PPHLN1: variants seen among roughly 807,000 people sequenced by gnomAD.
PPHLN1 encodes periphilin 1, also known as periphilin-1.
In PPHLN1, 29 loss-of-function variants were observed where a neutral mutation model predicts 51.3. The observed-to-expected ratio is 0.57, with a 90% CI of 0.42 to 0.77. The LOEUF (loss-of-function observed/expected upper bound fraction) is 0.77, where lower values mean the gene tolerates loss of function less well. Among genes scored for constraint, PPHLN1 ranks in the 30% least tolerant of loss-of-function variants. The probability of loss-of-function intolerance (pLI) is 0.00; values close to 1 mark genes in which losing one functional copy is unlikely to be tolerated. For synonymous variants in PPHLN1, 147 were observed against 147.8 expected (o/e 0.99, Z 0.04); for missense variants, 436 against 438.4 (o/e 0.99, Z 0.05).
intron 9 of PPHLN1, among the ~76,000 whole-genome samples, chr12:42,429,422 C>T (rs535216723): frequency 3.9e-5 from 6 of 152,304 alleles, no homozygotes; most frequent in Middle Eastern, 6.8e-3. Context: ...TACTATCTTT[C>T]CCAAAACTTC....
intron 1 of PPHLN1, chr12:42,332,711 A>G (rs1370492233): frequency 5.5e-6 from 8 of 1,446,558 alleles, no homozygotes; most frequent in South Asian, 4.8e-5. Flanking sequence ...AAGTAAGTAT[A>G]GTATAGTAGT....
At chr12:42,329,417 T>G (rs1361386431) in intron 1 of PPHLN1, among the ~76,000 whole-genome samples, 2 of 152,174 alleles carry the variant, frequency 1.3e-5, no homozygotes, top group Non-Finnish European at 2.9e-5. Context: ...GAATTTCAAA[T>G]ATTTTCTAAT....
intron 2 of PPHLN1, among the ~76,000 whole-genome samples, chr12:42,341,776 C>G (rs2071542296): frequency 6.6e-6 from 1 of 152,114 alleles, no homozygotes; most frequent in Admixed American, 6.5e-5. Flanking sequence ...CACCTGCCAC[C>G]ACGCCCGGCT....
intron 5 of PPHLN1, among the ~76,000 whole-genome samples, chr12:42,382,567 A>G (rs1217784136): frequency 6.6e-6 from 1 of 152,216 alleles, no homozygotes; most frequent in East Asian, 1.9e-4. Context: ...ATAGCTAACG[A>G]GTAGCAAGCC....
intron 4 of PPHLN1, among the ~76,000 whole-genome samples, chr12:42,360,435 A>G (rs182941077): frequency 7.2e-6 from 1 of 138,830 alleles, no homozygotes; most frequent in Admixed American, 7.3e-5. Context: ...TTGCCAGGAC[A>G]GTTCCTGAAG....
chr12:42,387,495 A>T lies in PPHLN1; in HGVS notation c.608A>T (p.Asp203Val). ...GTCCAGTCTTTGAAAACATCAAGAGATACTTCACCCTCAAGTGGTTCAGCA... is the reference window on the plus strand; with the variant it reads ...GTCCAGTCTTTGAAAACATCAAGAGTTACTTCACCCTCAAGTGGTTCAGCA... ...RPVQSLKTSRDTSPSSGSAVS... is the reference protein window; with the variant it reads ...RPVQSLKTSRVTSPSSGSAVS... Residue 203 changes from aspartate to valine, a missense_variant, in exon 7 of 10, where the codon GAT becomes GTT. Asp to Val is a radical substitution (Grantham distance 152). Coordinates refer to ENST00000358314, the MANE Select transcript of PPHLN1 (RefSeq NM_201439.2). 6.2e-7 allele frequency: 1 copy of T among 1,613,656 alleles called. No individual in the cohort carries two copies. Among genetic ancestry groups the T allele is most frequent in the Non-Finnish European group, 8.5e-7 (1 of 1,179,856 alleles).
At chr12:42,335,821 C>T in intron 1 of PPHLN1, 62 bp from the exon 2 acceptor site, 1 of 855,782 alleles carries the variant, frequency 1.2e-6, no homozygotes, top group South Asian at 3.1e-5. Context: ...ATCATTTACT[C>T]CTTCCTTACC....
intron 3 of PPHLN1, 109 bp from the exon 4 acceptor site, chr12:42,355,052 C>A: frequency 1.1e-6 from 1 of 928,660 alleles, no homozygotes; most frequent in South Asian, 1.4e-5. Flanking sequence ...CCTTTTTATG[C>A]CTTTGAAGTT....
intron 9 of PPHLN1, among the ~76,000 whole-genome samples, chr12:42,404,547 C>CAACAACAACAACAACAAA (rs2079120528): frequency 1.3e-5 from 2 of 151,950 alleles, no homozygotes; most frequent in South Asian, 4.1e-4. Context: ...ACAACAACAA[C>CAACAACAACAACAACAAA]AACAAAAATA....
rs116866549 is a variant in PPHLN1 at position 42,393,940 on chromosome 12, G to C, written c.768+251G>C. Among the ~76,000 whole-genome samples the C allele has an allele frequency of 8.6e-3, 1,314 of 152,104 alleles. 10 individuals carry two copies. The highest frequency in any genetic ancestry group is 0.012 in the Non-Finnish European group (814 of 67,914). On this transcript the variant is annotated intron_variant, in intron 8 of 9. Transcript: ENST00000358314. ...TAAATATGGAGTATAAGAAAAATGC[G>C]TTATTTATATACTTCTTTTAATGGG...
intron 5 of PPHLN1, among the ~76,000 whole-genome samples, chr12:42,382,308 CTTTT>C (rs982594577): frequency 6.6e-6 from 1 of 152,120 alleles, no homozygotes; most frequent in African/African-American, 2.4e-5. Context: ...TTTGAAATTC[CTTTT>C]TATTTCCTTT....
chr12:42,332,653 CT>C (rs2069939376), intron 1 of PPHLN1: 7 of 1,571,144 alleles, frequency 4.5e-6, no homozygotes, highest in African/African-American at 1.4e-5. Flanking sequence ...ATTTCCCCCC[CT>C]TACAGGAAAT....
At chr12:42,378,186 T>C (rs2076467333) in intron 5 of PPHLN1, among the ~76,000 whole-genome samples, 1 of 151,900 alleles carries the variant, frequency 6.6e-6, no homozygotes, top group Admixed American at 6.6e-5. Context: ...AGTTCTTTGA[T>C]CAAGAAAAAG....
At chr12:42,380,426 T>C (rs1049489973) in intron 5 of PPHLN1, among the ~76,000 whole-genome samples, 1 of 152,078 alleles carries the variant, frequency 6.6e-6, no homozygotes, top group Admixed American at 6.5e-5. Context: ...TAGTCATTAG[T>C]GTTTAATTCT....
At chr12:42,429,582 A>G (rs1467702554) in intron 9 of PPHLN1, among the ~76,000 whole-genome samples, 1 of 152,122 alleles carries the variant, frequency 6.6e-6, no homozygotes, top group African/African-American at 2.4e-5. Flanking sequence ...ATTTTATGGC[A>G]TTTACCATAT....
At chr12:42,389,752 G>A (rs956153075) in intron 7 of PPHLN1, among the ~76,000 whole-genome samples, 1 of 152,146 alleles carries the variant, frequency 6.6e-6, no homozygotes, top group African/African-American at 2.4e-5. Flanking sequence ...TATATCTGGT[G>A]GATTGTGCTT....
At chr12:42,413,973 A>G (rs2080129311) in intron 9 of PPHLN1, among the ~76,000 whole-genome samples, 1 of 151,862 alleles carries the variant, frequency 6.6e-6, no homozygotes, top group Non-Finnish European at 1.5e-5. Context: ...GTTCCATATG[A>G]ATTTTAGGAT....
At chr12:42,396,270 C>T (rs184540010) in intron 8 of PPHLN1, among the ~76,000 whole-genome samples, 18 of 151,798 alleles carry the variant, frequency 1.2e-4, no homozygotes, top group African/African-American at 1.7e-4. Flanking sequence ...TTTTTCACAG[C>T]ATGTATTTCA....
chr12:42,432,445 G>A, intron 9 of PPHLN1: 2 of 761,200 alleles, frequency 2.6e-6, no homozygotes, highest in Admixed American at 1.7e-5. Flanking sequence ...GAATCATACT[G>A]TCTTCTCTGG....
Sources: gnomAD v4.1 joint callset for allele counts (sites outside exome capture counted in the v4.1 genomes callset) on GRCh38, gnomAD v4.1.1 for gene constraint, MANE v1.5 for transcripts, NCBI Gene and HGNC (gene_info 2026-07-23, HGNC 2026-07-21) for gene names.